GATM: variants seen among roughly 807,000 people sequenced by gnomAD.
The protein encoded by GATM is glycine amidinotransferase, also known as glycine amidinotransferase, mitochondrial.
In GATM, 23 loss-of-function variants were observed where a neutral mutation model predicts 54.2. The ratio of observed to expected loss-of-function variants is 0.42; its 90% confidence interval spans 0.31 to 0.60. The LOEUF (loss-of-function observed/expected upper bound fraction) is 0.60. Ranked by LOEUF, GATM falls within the 20% of genes least tolerant of loss-of-function variation. The probability of loss-of-function intolerance (pLI) is 0.14; values close to 1 mark genes in which losing one functional copy is unlikely to be tolerated. For synonymous variants in GATM, 168 were observed against 183.1 expected (o/e 0.92, Z 0.67); for missense variants, 401 against 544.9 (o/e 0.74, Z 2.63).
At chr15:45,389,421 ACTT>A (rs1352684931) in intron 3 of GATM, among the ~76,000 whole-genome samples, 2 of 152,136 alleles carry the variant, frequency 1.3e-5, no homozygotes, top group African/African-American at 4.8e-5. Flanking sequence ...ATAATCAAAG[ACTT>A]CTTGTTTTTG....
chr15:45,384,948 T>C (rs1334626904), intron 3 of GATM, among the ~76,000 whole-genome samples: 1 of 152,140 alleles, frequency 6.6e-6, no homozygotes, highest in Non-Finnish European at 1.5e-5. Flanking sequence ...GTTCCCATGA[T>C]CCTCCTGCCT....
Position 45,361,804 on chromosome 15 carries a change from T to A in GATM, c.*305A>T. 2 of 509,888 alleles carry A rather than the reference T, an allele frequency of 3.9e-6. No individual in the cohort carries two copies. Among genetic ancestry groups the A allele is most frequent in the South Asian group, 3.7e-5 (1 of 26,818 alleles). 31.6% of individuals were successfully genotyped at this position (509,888 alleles called of 1,614,324 possible). On this transcript the variant is annotated 3_prime_UTR_variant, in exon 9 of 9. Transcript: ENST00000396659. ...TTGGAAAGAAAATTAAAAACAGAGG[T>A]AGATGGTTAATTATTAGTGGCCAAG... is the stretch of plus-strand genomic sequence containing the variant.
chr15:45,383,374 C>T (rs1202027271), upstream of GATM, among the ~76,000 whole-genome samples: 2 of 152,188 alleles, frequency 1.3e-5, no homozygotes, highest in Non-Finnish European at 2.9e-5. Flanking sequence ...CAGCTTTCTC[C>T]AAGTATTTAA....
chr15:45,402,099 A>C (rs1002444554), exon 1 of GATM: 4 of 315,684 alleles, frequency 1.3e-5, no homozygotes, highest in Non-Finnish European at 2.3e-5. Context: ...GGTGACTTCC[A>C]AGATATATGT....
intron 2 of GATM, among the ~76,000 whole-genome samples, chr15:45,370,823 T>C (rs1595484151): frequency 6.6e-6 from 1 of 152,252 alleles, no homozygotes; most frequent in East Asian, 1.9e-4. Flanking sequence ...CAGACAGGAG[T>C]GCAATGGCAC....
At chr15:45,402,197 T>C (rs1890029398) in exon 1 of GATM, 2 of 565,588 alleles carry the variant, frequency 3.5e-6, no homozygotes, top group Non-Finnish European at 2.9e-6. Context: ...TCGGGAAAGC[T>C]CTGGGTTAGG....
chr15:45,401,675 A>G (rs1233273930), intron 1 of GATM, among the ~76,000 whole-genome samples: 1 of 152,238 alleles, frequency 6.6e-6, no homozygotes, highest in South Asian at 2.1e-4. Context: ...CATTGATCGC[A>G]TGAACTTTAG....
At chr15:45,362,832 A>C (rs1889384885) in intron 8 of GATM, among the ~76,000 whole-genome samples, 1 of 152,258 alleles carries the variant, frequency 6.6e-6, no homozygotes, top group African/African-American at 2.4e-5. Flanking sequence ...AATGGTATTT[A>C]GGAAGAATCT....
At chr15:45,379,865 T>A (rs1889711245), upstream of GATM, 1 of 152,166 alleles carries the variant, frequency 6.6e-6, no homozygotes, top group African/African-American at 2.4e-5. Context: ...CTCATGCTTG[T>A]AATCCCAGCA....
At chr15:45,392,836 A>T (rs996801391) in intron 3 of GATM, among the ~76,000 whole-genome samples, 1 of 152,250 alleles carries the variant, frequency 6.6e-6, no homozygotes, top group African/African-American at 2.4e-5. Context: ...GCCCTGGAAG[A>T]TACTTGTATT....
At chr15:45,383,015 G>T (rs1414009838), upstream of GATM, among the ~76,000 whole-genome samples, 2 of 152,222 alleles carry the variant, frequency 1.3e-5, no homozygotes, top group African/African-American at 4.8e-5. Flanking sequence ...CCCTGGAATT[G>T]CCTGCTTATA....
chr15:45,364,084 G>A (rs1287943568), intron 7 of GATM, 68 bp from the exon 8 acceptor site: 4 of 895,696 alleles, frequency 4.5e-6, no homozygotes, highest in Non-Finnish European at 7.5e-6. Context: ...ATTTACAAGT[G>A]AAGAATATTA....
intron 3 of GATM, among the ~76,000 whole-genome samples, chr15:45,388,624 T>C (rs185317838): frequency 1.2e-4 from 19 of 152,336 alleles, no homozygotes; most frequent in Non-Finnish European, 2.6e-4. Context: ...TATTTTGTAG[T>C]CTATGCTTTG....
At position 45,385,804 on chromosome 15, in the gene GATM, A is replaced by C. The variant is rs561940765; in HGVS notation, c.-318-8985T>G. Among the ~76,000 whole-genome samples the C allele has an allele frequency of 4.6e-5, 7 of 152,338 alleles. No homozygotes were observed. The South Asian group carries it at 1.5e-3, about 32-fold the overall frequency. On this transcript the variant is annotated intron_variant, in intron 3 of 4. Transcript: ENST00000561148. ...TGGAATTGCAGTTGACAATGGACCT[A>C]AACAAACATACTTAATGAAGTAACT...
chr15:45,378,208 C>T (rs577863121), intron 1 of GATM, 177 bp downstream of exon 1: 138 of 506,594 alleles, frequency 2.7e-4, no homozygotes, highest in African/African-American at 2.7e-3. Flanking sequence ...CTGGAGCCTG[C>T]GAAGGCTCTT....
At position 45,361,892 on chromosome 15, in the gene GATM, T is replaced by G; in HGVS notation, c.*217A>C. On this transcript the variant is annotated 3_prime_UTR_variant, in exon 9 of 9. Coordinates refer to ENST00000396659, the MANE Select transcript of GATM (RefSeq NM_001482.3). ...CCAAAATTTTATACTTGAAGCCAAA[T>G]AGTAAATAACTTTAGGAGTAGAGAG... is the stretch of plus-strand genomic sequence containing the variant. 1.8e-6 allele frequency: 1 copy of G among 560,568 alleles called. No homozygotes were observed. Among genetic ancestry groups the G allele is most frequent in the South Asian group, 2.6e-5 (1 of 38,924 alleles). 34.7% of individuals were successfully genotyped at this position (560,568 alleles called of 1,614,324 possible).
rs536235589 is a variant in GATM, at chr15:45,371,998, C to T, written c.289-2477G>A. Among the ~76,000 whole-genome samples the T allele has an allele frequency of 2.1e-4, 32 of 152,268 alleles. No homozygotes were observed. The South Asian group carries it at 6.4e-3, about 31-fold the overall frequency. On this transcript the variant is annotated intron_variant, in intron 2 of 8. Transcript: ENST00000396659. ...TCAATATCCAGGTTCACATCAGTTA[C>T]GCTGGAACCTAGCTTGGTGAATAAG...
At chr15:45,369,128 A>G (rs1889495365) in intron 3 of GATM, among the ~76,000 whole-genome samples, 198 bp downstream of exon 3, 1 of 152,250 alleles carries the variant, frequency 6.6e-6, no homozygotes, top group Non-Finnish European at 1.5e-5. Flanking sequence ...AGATTCCACG[A>G]GATGGAATGG....
chr15:45,377,245 T>C, intron 1 of GATM: 1 of 485,046 alleles, frequency 2.1e-6, no homozygotes, highest in East Asian at 5.9e-5. Flanking sequence ...TTCCCTTAAG[T>C]ATCAAAGGTT....
Sources: allele counts gnomAD v4.1 joint callset (sites outside exome capture counted in the v4.1 genomes callset), GRCh38; gene constraint gnomAD v4.1.1; transcripts MANE v1.5; gene names NCBI Gene and HGNC (gene_info 2026-07-23, HGNC 2026-07-21).